NECTIN2: variants seen among roughly 807,000 people sequenced by gnomAD.
NECTIN2 encodes nectin-2.
A neutral mutation model predicts 56.9 loss-of-function variants in NECTIN2; 23 were observed. The ratio of observed to expected loss-of-function variants is 0.40; its 90% confidence interval spans 0.29 to 0.57. The LOEUF (loss-of-function observed/expected upper bound fraction) is 0.57, where lower values mean the gene tolerates loss of function less well. NECTIN2 is among the 20% of genes least tolerant of loss of function. NECTIN2 has a pLI of 0.38. For missense variants in NECTIN2, 587 were observed against 718.3 expected, an observed-to-expected ratio of 0.82 and a Z score of 2.09; for synonymous variants, 302 against 313.8, an observed-to-expected ratio of 0.96 and a Z score of 0.40.
chr19:44,867,088 G>A lies in NECTIN2; in HGVS notation c.478+1428G>A, dbSNP rs191239152. Among the ~76,000 whole-genome samples the A allele has an allele frequency of 5.0e-3, 751 of 151,588 alleles. 6 individuals carry two copies. Among genetic ancestry groups the A allele is most frequent in the African/African-American group, 0.017 (703 of 41,294 alleles). The stretch of plus-strand genomic sequence containing the variant: ...GGCTGTAGTGGAGTGGCGCGATCTC[G>A]GCTCACTGCAACCTCCGCCTCCCAG... On this transcript the variant is annotated intron_variant, in intron 2 of 8. Transcript: ENST00000252483.
Position 44,874,313 on chromosome 19 carries a change from A to ACC in NECTIN2, c.894-14_894-13dup. 2 of 1,612,466 alleles carry ACC rather than the reference A, an allele frequency of 1.2e-6. No homozygotes were observed. Among genetic ancestry groups the ACC allele is most frequent in the Non-Finnish European group, 1.7e-6 (2 of 1,179,072 alleles). ...TCGACCTTGGTATCCCTCTCACCTG[A>ACC]CCCCACACCCCTCCAGGACCTCAGG... is the stretch of plus-strand genomic sequence containing the variant. On this transcript the variant is annotated splice_polypyrimidine_tract_variant and intron_variant, in intron 4 of 8. Transcript: ENST00000252483. This position sits in a 1 kb window ranked among gnomAD's most constrained non-coding sequence, Gnocchi z 6.3.
Position 44,875,799 on chromosome 19 carries a change from A to G in NECTIN2, c.1042+1321A>G, listed in dbSNP as rs1665875115. Among the ~76,000 whole-genome samples, 1 of 152,196 alleles carries G rather than the reference A, an allele frequency of 6.6e-6. No individual in the cohort carries two copies. Among genetic ancestry groups the G allele is most frequent in the Non-Finnish European group, 1.5e-5 (1 of 68,026 alleles). ...CTTGCAGGGACACCCGAGGGAAAACAGACACCTCTTCAGGAATCCAGATAC... is the reference window on the plus strand; with the variant it reads ...CTTGCAGGGACACCCGAGGGAAAACGGACACCTCTTCAGGAATCCAGATAC... On this transcript the variant is annotated intron_variant, in intron 5 of 8. Coordinates refer to ENST00000252483, the MANE Select transcript of NECTIN2 (RefSeq NM_001042724.2). The surrounding 1 kb of genome is among the most constrained non-coding windows in gnomAD (Gnocchi z 4.2).
chr19:44,882,347 G>A lies in NECTIN2; in HGVS notation c.1179G>A (p.Gly393=), dbSNP rs1969316942. The change falls in exon 6 of 9, where the codon GGG becomes GGA. Residue 393 remains glycine (G), a synonymous_variant. Coordinates refer to ENST00000252483, the MANE Select transcript of NECTIN2 (RefSeq NM_001042724.2). ...AGCGGAAGGAGCAGACGCTGCAGGG[G>A]GCAGAGGAGGACGAAGAGTAAGTGA... ...RQQRKEQTLQ[G]AEEDEDLEGP... is the part of the protein sequence containing the mutation. 1.4e-6 allele frequency: 2 copies of A among 1,473,844 alleles called. No homozygotes were observed. Among genetic ancestry groups the A allele is most frequent in the Non-Finnish European group, 1.8e-6 (2 of 1,105,308 alleles). The allele number at this position is 1,473,844 out of a possible 1,614,324, so 91.3% of individuals were successfully genotyped here. A position where few individuals can be genotyped will look rare whatever the true frequency, so the allele number is the denominator to read the frequency against.
intron 6 of NECTIN2, among the ~76,000 whole-genome samples, chr19:44,884,136 CAG>C (rs769765198): frequency 6.6e-6 from 1 of 151,792 alleles, no homozygotes; most frequent in Non-Finnish European, 1.5e-5. Flanking sequence ...AAAAATAGCT[CAG>C]AGCAGTCTGA....
intron 1 of NECTIN2, among the ~76,000 whole-genome samples, chr19:44,859,675 T>C (rs530600079): frequency 2.8e-4 from 42 of 152,124 alleles, no homozygotes; most frequent in African/African-American, 9.9e-4. Flanking sequence ...AATTCAAAAA[T>C]CAGCCGGACC....
At chr19:44,852,561 T>C (rs1968912852) in intron 1 of NECTIN2, among the ~76,000 whole-genome samples, 1 of 149,702 alleles carries the variant, frequency 6.7e-6, no homozygotes, top group Admixed American at 6.6e-5. Context: ...CTTGGGCTTG[T>C]TTCCTGAGGG....
chr19:44,871,566 G>C lies in NECTIN2; in HGVS notation c.479-287G>C, dbSNP rs546028217. Among the ~76,000 whole-genome samples the C allele has an allele frequency of 2.5e-4, 38 of 152,128 alleles. 1 individual carries two copies. Among genetic ancestry groups the C allele is most frequent in the African/African-American group, 9.2e-4 (38 of 41,504 alleles). On this transcript the variant is annotated intron_variant, in intron 2 of 8. Transcript: ENST00000252483. Reference sequence around the variant, plus strand: ...AAGTAAAATAAAATGGGCAACACTTGGATAGGGCAGTGCAGGCCAGACATT... The same window carrying C: ...AAGTAAAATAAAATGGGCAACACTTCGATAGGGCAGTGCAGGCCAGACATT...
chr19:44,884,435 G>A (rs964139299), intron 6 of NECTIN2, among the ~76,000 whole-genome samples: 10 of 152,122 alleles, frequency 6.6e-5, no homozygotes, highest in African/African-American at 1.2e-4. Flanking sequence ...GATTACAGGC[G>A]TGAGCCACCA....
At position 44,878,835 on chromosome 19, in the gene NECTIN2, T is replaced by A. The variant is rs139084884; in HGVS notation, c.1043-3376T>A. Reference sequence around the variant, plus strand: ...ATGGGGAGCCCGGGGAGCTGAGTAGTGGGGATCCAGAGAGGACCCCCGCCC... The same window carrying A: ...ATGGGGAGCCCGGGGAGCTGAGTAGAGGGGATCCAGAGAGGACCCCCGCCC... On this transcript the variant is annotated intron_variant, in intron 5 of 8. Transcript: ENST00000252483. 1.5e-3 allele frequency: 2,027 copies of A among 1,354,176 alleles called. 28 individuals are homozygous for A. In the African/African-American group the frequency reaches 0.027, roughly 18 times the overall value. The allele number at this position is 1,354,176 out of a possible 1,614,324, so 83.9% of individuals were successfully genotyped here.
intron 1 of NECTIN2, among the ~76,000 whole-genome samples, chr19:44,857,789 A>G (rs544157967): frequency 1.8e-4 from 27 of 147,156 alleles, no homozygotes; most frequent in Admixed American, 4.8e-4. Flanking sequence ...GTGATCCTCC[A>G]CCCACTTCGG....
intron 6 of NECTIN2, among the ~76,000 whole-genome samples, chr19:44,884,096 T>G (rs1460045712): frequency 6.7e-6 from 1 of 148,880 alleles, no homozygotes; most frequent in Admixed American, 6.8e-5. Context: ...GCCAACAGAG[T>G]GAGACCTTGT....
In NECTIN2 at chr19:44,882,230, C is replaced by T. The variant is rs941294156; in HGVS notation, c.1062C>T (p.Gly354=). The part of the protein sequence containing the change: ...IFVRETPNTA[G]AGATGGIIGG... ...TTGCAGAGACCCCCAACACAGCAGG[C>T]GCAGGGGCCACAGGCGGCATCATCG... Residue 354 remains glycine, a synonymous_variant, in exon 6 of 9, where the codon GGC becomes GGT. Coordinates refer to ENST00000252483, the MANE Select transcript of NECTIN2 (RefSeq NM_001042724.2). The T allele has an allele frequency of 8.6e-6, 13 of 1,514,628 alleles. No homozygotes were observed. The highest frequency in any genetic ancestry group is 2.8e-5 in the African/African-American group (2 of 70,778). 93.8% of individuals were successfully genotyped at this position (1,514,628 alleles called of 1,614,324 possible).
intron 6 of NECTIN2, among the ~76,000 whole-genome samples, chr19:44,884,432 G>A (rs1202776872): frequency 6.6e-6 from 1 of 152,170 alleles, no homozygotes; most frequent in Non-Finnish European, 1.5e-5. Flanking sequence ...TCGGATTACA[G>A]GCGTGAGCCA....
At position 44,852,526 on chromosome 19, in the gene NECTIN2, CAA is replaced by C. The variant is rs58168769; in HGVS notation, c.88+5927_88+5928del. Among the ~76,000 whole-genome samples, 371 of 124,130 alleles carry C rather than the reference CAA, an allele frequency of 3.0e-3. 1 individual carries two copies. The highest frequency in any genetic ancestry group is 9.2e-3 in the South Asian group (33 of 3,606). The allele number at this position is 124,130 out of a possible 152,430, so 81.4% of individuals were successfully genotyped here. ...CCCGAGACAGAGCAAGACTCCGTCT[CAA>C]AAAAAAAAAAAAACAGAAAAGACTT... is the stretch of plus-strand genomic sequence containing the variant. On this transcript the variant is annotated intron_variant, in intron 1 of 8. Coordinates refer to ENST00000252483, the MANE Select transcript of NECTIN2 (RefSeq NM_001042724.2).
At chr19:44,857,705 G>GTTTTTT (rs752045466) in intron 1 of NECTIN2, among the ~76,000 whole-genome samples, 3 of 118,598 alleles carry the variant, frequency 2.5e-5, no homozygotes, top group Non-Finnish European at 1.7e-5. Context: ...CCGGGTTTTT[G>GTTTTTT]TTTTTGTTTT....
At chr19:44,866,592 C>T (rs1042938948) in intron 2 of NECTIN2, among the ~76,000 whole-genome samples, 1 of 151,626 alleles carries the variant, frequency 6.6e-6, no homozygotes, top group African/African-American at 2.4e-5. Flanking sequence ...GGCCCTGAGA[C>T]AGGAATACCT....
chr19:44,873,788 A>C, intron 3 of NECTIN2, 128 bp from the exon 4 acceptor site: 1 of 699,032 alleles, frequency 1.4e-6, no homozygotes, highest in Non-Finnish European at 2.6e-6. Context: ...GATTTGCCCC[A>C]GACAGTTTTG....
At chr19:44,876,479 A>G (rs1969238707) in intron 5 of NECTIN2, among the ~76,000 whole-genome samples, 1 of 152,138 alleles carries the variant, frequency 6.6e-6, no homozygotes, top group South Asian at 2.1e-4. Context: ...TTACAAAGAC[A>G]CGTGCCTTCA....
At chr19:44,854,693 A>T (rs182497133) in intron 1 of NECTIN2, among the ~76,000 whole-genome samples, 11 of 152,028 alleles carry the variant, frequency 7.2e-5, no homozygotes, top group Non-Finnish European at 1.3e-4. Flanking sequence ...CATGCCTGTA[A>T]TCCCAGCTAC....
Sources: gnomAD v4.1 joint callset for allele counts (sites outside exome capture counted in the v4.1 genomes callset) on GRCh38, gnomAD v4.1.1 for gene constraint, Gnocchi (gnomAD v3.1) non-coding constraint, MANE v1.5 for transcripts, NCBI Gene and HGNC (gene_info 2026-07-23, HGNC 2026-07-21) for gene names.